IGSF10: variants seen among roughly 807,000 people sequenced by gnomAD.
IGSF10 encodes calvaria mechanical force protein 608.
IGSF10 carries 126 observed loss-of-function variants against 128.2 expected under a neutral mutation model. That is an observed-to-expected ratio of 0.98 (90% confidence interval 0.85 to 1.14). IGSF10 has a LOEUF of 1.14. Among genes scored for constraint, IGSF10 ranks in the 50% most tolerant of loss-of-function variants. IGSF10 has a pLI of 0.00. For synonymous variants in IGSF10, 1,185 were observed against 1,146.2 expected (o/e 1.03, Z -0.68); for missense variants, 3,295 against 3,149.8 (o/e 1.05, Z -1.10).
rs143978813 is a variant in IGSF10 at position 151,448,295 on chromosome 3, G to A, written c.1686C>T (p.Leu562=). 1.8e-5 allele frequency: 29 copies of A among 1,614,086 alleles called. No individual in the cohort carries two copies. The highest frequency in any genetic ancestry group is 1.6e-4 in the African/African-American group (12 of 74,942). The change falls in exon 6 of 8, where the codon CTC becomes CTT. Residue 562 remains leucine, a synonymous_variant. Transcript: ENST00000282466. ...GTTCTACCACAGTTATCCTATAGGT[G>A]AGAATATCTGCATCATCATAATTGC... ...ISSNYDDADI[L]TYRITVVEPL...
At chr3:151,573,327 G>A in the IGSF10 span, among the ~76,000 whole-genome samples, 1 of 152,144 alleles carries the variant, frequency 6.6e-6, no homozygotes, top group Admixed American at 6.5e-5. Context: ...TGACAGTGGG[G>A]TATTAAAGTC....
At chr3:151,558,006 AT>A in the IGSF10 span, among the ~76,000 whole-genome samples, 4 of 26,670 alleles carry the variant, frequency 1.5e-4, 2 homozygotes, top group Admixed American at 2.7e-3. Flanking sequence ...AGTATATATA[AT>A]ATATATATAT....
At position 151,446,826 on chromosome 3, in the gene IGSF10, G is replaced by T; in HGVS notation, c.3155C>A (p.Thr1052Asn). The T allele has an allele frequency of 1.5e-5, 25 of 1,614,172 alleles. No homozygotes were observed. The highest frequency in any genetic ancestry group is 2.0e-5 in the Non-Finnish European group (24 of 1,180,020). Residue 1052 changes from threonine (T) to asparagine (N), a missense_variant, in exon 6 of 8, where the codon ACT (threonine) becomes AAT (asparagine). Coordinates refer to ENST00000282466, the MANE Select transcript of IGSF10 (RefSeq NM_178822.5). ...ATTGAGCACTGTGGCTGAGAATGCA[G>T]TAGTGCTTTTTTCAGAAGAACCTCT... is the stretch of plus-strand genomic sequence containing the variant. ...TTRGSSEKST[T>N]AFSATVLNVT...
At chr3:151,572,692 G>T in the IGSF10 span, among the ~76,000 whole-genome samples, 515 of 152,020 alleles carry the variant, frequency 3.4e-3, 17 homozygotes, top group East Asian at 0.072. Flanking sequence ...TTAAATTTTT[G>T]AAGGGTTTTT....
Position 151,436,643 on chromosome 3 carries a change from CA to C in IGSF10, c.*45del. ...TGGCTGCCTTTGATTAAACTTCTTC[CA>C]AAAAATAAATTCTGCCCAGATGTTG... is the stretch of plus-strand genomic sequence containing the variant. On this transcript the variant is annotated 3_prime_UTR_variant, in exon 8 of 8. Coordinates refer to ENST00000282466, the MANE Select transcript of IGSF10 (RefSeq NM_178822.5). 4 of 1,394,306 alleles carry C rather than the reference CA, an allele frequency of 2.9e-6. No homozygotes were observed. The highest frequency in any genetic ancestry group is 3.9e-6 in the Non-Finnish European group (4 of 1,020,694). The allele number at this position is 1,394,306 out of a possible 1,614,324, so 86.4% of individuals were successfully genotyped here. A position where few individuals can be genotyped will look rare whatever the true frequency, so the allele number is the denominator to read the frequency against.
At chr3:151,462,111 T>C (rs1362741136), upstream of IGSF10, among the ~76,000 whole-genome samples, 1 of 152,040 alleles carries the variant, frequency 6.6e-6, no homozygotes, top group Admixed American at 6.6e-5. Flanking sequence ...ACATGTAATA[T>C]CTCCTGCAAT....
upstream of IGSF10, among the ~76,000 whole-genome samples, chr3:151,462,556 G>T (rs191519892): frequency 6.6e-6 from 1 of 152,172 alleles, no homozygotes; most frequent in Non-Finnish European, 1.5e-5. Context: ...GTACATGAAG[G>T]AAAGTGACAG....
the IGSF10 span, among the ~76,000 whole-genome samples, chr3:151,544,830 T>G: frequency 6.6e-6 from 1 of 152,160 alleles, no homozygotes; most frequent in African/African-American, 2.4e-5. Context: ...TGTCTTATTT[T>G]ACTTCTATGA....
At chr3:151,615,760 A>G in the IGSF10 span, among the ~76,000 whole-genome samples, 29 of 152,310 alleles carry the variant, frequency 1.9e-4, no homozygotes, top group African/African-American at 5.8e-4. Flanking sequence ...TTAAAATAGC[A>G]TACAAAGGTC....
upstream of IGSF10, among the ~76,000 whole-genome samples, chr3:151,465,633 T>C (rs1486140512): frequency 2.6e-5 from 4 of 152,188 alleles, no homozygotes; most frequent in African/African-American, 7.2e-5. Context: ...AAATGGGAAA[T>C]GGCAAATGAG....
the IGSF10 span, among the ~76,000 whole-genome samples, chr3:151,579,710 A>G: frequency 1.3e-5 from 2 of 152,082 alleles, no homozygotes; most frequent in Non-Finnish European, 2.9e-5. Flanking sequence ...TGGAGAGAAC[A>G]AATAAATATT....
the IGSF10 span, among the ~76,000 whole-genome samples, chr3:151,503,321 A>C: frequency 1.3e-5 from 2 of 152,092 alleles, no homozygotes; most frequent in East Asian, 3.9e-4. Context: ...TCTTCAGTTA[A>C]AACATAAGTC....
the IGSF10 span, among the ~76,000 whole-genome samples, chr3:151,477,692 G>T: frequency 6.6e-6 from 1 of 152,160 alleles, no homozygotes; most frequent in Non-Finnish European, 1.5e-5. Flanking sequence ...CTTCAACAGA[G>T]ATTTAAATTT....
chr3:151,474,355 G>A, the IGSF10 span, among the ~76,000 whole-genome samples: 1 of 152,168 alleles, frequency 6.6e-6, no homozygotes. Context: ...AACCCATGAT[G>A]TGTTTACAGG....
At chr3:151,442,352 A>G (rs550689650) in intron 7 of IGSF10, among the ~76,000 whole-genome samples, 6 of 150,258 alleles carry the variant, frequency 4.0e-5, no homozygotes, top group Non-Finnish European at 5.9e-5. Context: ...TTGTTTACAG[A>G]GAGTGTGAAT....
the IGSF10 span, among the ~76,000 whole-genome samples, chr3:151,466,170 T>C: frequency 6.6e-6 from 1 of 152,160 alleles, no homozygotes; most frequent in Admixed American, 6.5e-5. Flanking sequence ...TGTCTGAAGT[T>C]TTAACAGATC....
chr3:151,485,113 T>C, the IGSF10 span, among the ~76,000 whole-genome samples: 577 of 152,246 alleles, frequency 3.8e-3, 2 homozygotes, highest in African/African-American at 0.013. Context: ...ATAAATGACC[T>C]GATGGAGCTG....
In IGSF10 at chr3:151,437,541, T is replaced by G; in HGVS notation, c.7020A>C (p.Arg2340Ser). 1 of 1,614,226 alleles carries G rather than the reference T, an allele frequency of 6.2e-7. No individual in the cohort carries two copies. ...VLEMLRRPTF[R>S]NPFNEKIVAQ... ...CAACTATTTTTTCATTAAATGGATTTCTAAATGTCGGTCTTCTCAGCATTT... is the reference window on the plus strand; with the variant it reads ...CAACTATTTTTTCATTAAATGGATTGCTAAATGTCGGTCTTCTCAGCATTT... The change falls in exon 8 of 8, where the codon AGA (arginine) becomes AGC (serine). Residue 2340 changes from arginine to serine, a missense_variant. Physicochemically the swap from Arg to Ser is moderately radical, Grantham distance 110. Coordinates refer to ENST00000282466, the MANE Select transcript of IGSF10 (RefSeq NM_178822.5).
chr3:151,531,753 C>T, the IGSF10 span, among the ~76,000 whole-genome samples: 1 of 152,034 alleles, frequency 6.6e-6, no homozygotes, highest in Non-Finnish European at 1.5e-5. Context: ...AATTGACACC[C>T]TAACATCACA....
Sources: allele counts gnomAD v4.1 joint callset (sites outside exome capture counted in the v4.1 genomes callset), GRCh38; gene constraint gnomAD v4.1.1; transcripts MANE v1.5; gene names NCBI Gene and HGNC (gene_info 2026-07-23, HGNC 2026-07-21).